CHN2: variants seen among roughly 807,000 people sequenced by gnomAD.
The protein encoded by CHN2 is beta-chimaerin.
Under a neutral mutation model 56.3 loss-of-function variants are expected in CHN2, and 35 were observed. The observed-to-expected ratio is 0.62, with a 90% CI of 0.47 to 0.82. The LOEUF is 0.82. Among genes scored for constraint, CHN2 ranks in the 40% least tolerant of loss-of-function variants. The pLI is 0.00. For missense variants in CHN2, 491 were observed against 580.5 expected (o/e 0.85, Z 1.58); for synonymous variants, 210 against 212.8 (o/e 0.99, Z 0.12).
intron 1 of CHN2, chr7:29,195,383 C>A: frequency 4.5e-6 from 1 of 220,552 alleles, no homozygotes; most frequent in Non-Finnish European, 8.8e-6. Flanking sequence ...CGCCCGCTAC[C>A]CTGGACACCC....
chr7:29,295,400 G>A (rs1471867382), intron 1 of CHN2, among the ~76,000 whole-genome samples: 1 of 150,142 alleles, frequency 6.7e-6, no homozygotes, highest in African/African-American at 2.5e-5. Flanking sequence ...GGTATTTTCA[G>A]CACCTAGAAA....
At chr7:29,246,252 G>A (rs182300035) in intron 1 of CHN2, among the ~76,000 whole-genome samples, 26 of 152,238 alleles carry the variant, frequency 1.7e-4, no homozygotes, top group Admixed American at 1.3e-3. Flanking sequence ...AGGCAGAACC[G>A]GAGAGGTTCC....
intron 1 of CHN2, among the ~76,000 whole-genome samples, chr7:29,301,846 GA>G (rs1353195568): frequency 6.6e-6 from 1 of 152,168 alleles, no homozygotes; most frequent in East Asian, 1.9e-4. Context: ...TTTGGTCTAG[GA>G]AAAAAATTTA....
At position 29,509,335 on chromosome 7, in the gene CHN2, C is replaced by G. The variant is rs759385446; in HGVS notation, c.1164C>G (p.Val388=). Residue 388 remains valine (V), a synonymous_variant, in exon 12 of 13, where the codon GTC becomes GTG. Coordinates refer to ENST00000222792, the MANE Select transcript of CHN2 (RefSeq NM_004067.4). ...ATGCAGATGAGAGGCTGGAAGCCGT[C>G]CATGAAGTGCTGATGCTGCTGCCTC... is the stretch of plus-strand genomic sequence containing the variant. ...ISNADERLEA[V]HEVLMLLPPA... The G allele has an allele frequency of 6.2e-7, 1 of 1,614,112 alleles. No homozygotes were observed. Among genetic ancestry groups the G allele is most frequent in the East Asian group, 2.2e-5 (1 of 44,878 alleles).
At chr7:29,336,791 C>G (rs1421247557) in intron 1 of CHN2, among the ~76,000 whole-genome samples, 2 of 93,012 alleles carry the variant, frequency 2.2e-5, no homozygotes, top group African/African-American at 4.3e-5. Flanking sequence ...AAAAAAAAAG[C>G]TTCACATGCA....
At chr7:29,363,744 G>A (rs1798919257) in intron 2 of CHN2, among the ~76,000 whole-genome samples, 1 of 152,126 alleles carries the variant, frequency 6.6e-6, no homozygotes. Context: ...GGCAAGTCAG[G>A]GAAGGCCTCC....
At chr7:29,445,489 A>G (rs1476205005) in intron 6 of CHN2, among the ~76,000 whole-genome samples, 1 of 152,228 alleles carries the variant, frequency 6.6e-6, no homozygotes, top group Non-Finnish European at 1.5e-5. Context: ...TTAAAGCATA[A>G]TAGTACTCTT....
At chr7:29,349,955 A>G (rs1797751953) in intron 1 of CHN2, among the ~76,000 whole-genome samples, 1 of 152,162 alleles carries the variant, frequency 6.6e-6, no homozygotes. Flanking sequence ...GACTTTATGC[A>G]ATGCGTGTGT....
intron 7 of CHN2, among the ~76,000 whole-genome samples, chr7:29,481,675 T>TTA (rs35114157): frequency 6.0e-5 from 9 of 150,184 alleles, no homozygotes; most frequent in Non-Finnish European, 3.0e-5. Context: ...TTTTTTTTTT[T>TTA]ACTCTGTTTT....
chr7:29,176,759 G>A (rs571971564), intron 2 of CHN2, among the ~76,000 whole-genome samples: 1 of 152,206 alleles, frequency 6.6e-6, no homozygotes, highest in Admixed American at 6.5e-5. Flanking sequence ...CTAACTTCTG[G>A]TGTTTAAAAA....
chr7:29,277,639 C>A (rs1791343684), intron 1 of CHN2, among the ~76,000 whole-genome samples: 1 of 152,170 alleles, frequency 6.6e-6, no homozygotes, highest in Admixed American at 6.5e-5. Flanking sequence ...TTGAGCTGTC[C>A]TGAACCATAC....
At position 29,507,996 on chromosome 7, in the gene CHN2, A is replaced by G. The variant is rs1373343508; in HGVS notation, c.1129+631A>G. Reference sequence around the variant, plus strand: ...TCCTAGTCAGTTAAAGTCACAAGCAAGTTTTGTCTATTGATGCTGTTCAAA... The same window carrying G: ...TCCTAGTCAGTTAAAGTCACAAGCAGGTTTTGTCTATTGATGCTGTTCAAA... On this transcript the variant is annotated intron_variant, in intron 11 of 12. Transcript: ENST00000222792. Among the ~76,000 whole-genome samples, 6 of 152,232 alleles carry G rather than the reference A, an allele frequency of 3.9e-5. No individual in the cohort carries two copies. The East Asian group carries it at 1.2e-3, about 29-fold the overall frequency.
chr7:29,286,871 C>T (rs1298469897), intron 1 of CHN2, among the ~76,000 whole-genome samples: 4 of 152,210 alleles, frequency 2.6e-5, no homozygotes, highest in Non-Finnish European at 2.9e-5. Flanking sequence ...GTGAAAGTTG[C>T]CATGGGTCTT....
intron 1 of CHN2, among the ~76,000 whole-genome samples, chr7:29,343,700 C>T (rs1797217212): frequency 6.6e-6 from 1 of 152,134 alleles, no homozygotes; most frequent in Non-Finnish European, 1.5e-5. Context: ...GCCTCTTTCC[C>T]TCTTCTTCTC....
At chr7:29,449,490 GA>G (rs1461050308) in intron 6 of CHN2, among the ~76,000 whole-genome samples, 24 of 152,290 alleles carry the variant, frequency 1.6e-4, no homozygotes, top group African/African-American at 5.5e-4. Context: ...TAAAATATGG[GA>G]AAGTTCGTAC....
At chr7:29,290,350 G>C (rs1050760759) in intron 1 of CHN2, among the ~76,000 whole-genome samples, 1 of 152,196 alleles carries the variant, frequency 6.6e-6, no homozygotes, top group Non-Finnish European at 1.5e-5. Flanking sequence ...TTATCGCTCT[G>C]TTCCTTGTGG....
At chr7:29,286,810 G>GT (rs1167035841) in intron 1 of CHN2, among the ~76,000 whole-genome samples, 2 of 152,092 alleles carry the variant, frequency 1.3e-5, no homozygotes, top group African/African-American at 4.8e-5. Context: ...GCCTGTCTTG[G>GT]TTTATTTTTT....
chr7:29,214,493 A>G (rs1785193650), intron 1 of CHN2, among the ~76,000 whole-genome samples: 1 of 152,108 alleles, frequency 6.6e-6, no homozygotes, highest in Admixed American at 6.5e-5. Flanking sequence ...CTTCAAGTTA[A>G]TCTCAACTCT....
intron 6 of CHN2, among the ~76,000 whole-genome samples, chr7:29,467,464 CCTGA>C (rs1785636088): frequency 6.6e-6 from 1 of 152,148 alleles, no homozygotes; most frequent in Non-Finnish European, 1.5e-5. Context: ...AGTTCAAGGA[CCTGA>C]CTTTTTGTCC....
Sources: gnomAD v4.1 joint callset for allele counts (sites outside exome capture counted in the v4.1 genomes callset) on GRCh38, gnomAD v4.1.1 for gene constraint, MANE v1.5 for transcripts, NCBI Gene and HGNC (gene_info 2026-07-23, HGNC 2026-07-21) for gene names.